Variants in ZNF704 observed in about 807,000 individuals in gnomAD.
The protein encoded by ZNF704 is zinc finger protein 704.
In ZNF704, 10 loss-of-function variants were observed where a neutral mutation model predicts 44.7. The observed-to-expected ratio is 0.22, with a 90% CI of 0.14 to 0.38. ZNF704 has a LOEUF of 0.38. Ranked by LOEUF, ZNF704 falls within the 10% of genes least tolerant of loss-of-function variation. ZNF704 has a pLI of 1.00. For synonymous variants in ZNF704, 211 were observed against 207.6 expected, an observed-to-expected ratio of 1.02 and a Z score of -0.14; for missense variants, 390 against 545.5, an observed-to-expected ratio of 0.71 and a Z score of 2.84.
chr8:80,717,263 T>C (rs1350616631), intron 2 of ZNF704, among the ~76,000 whole-genome samples: 1 of 152,236 alleles, frequency 6.6e-6, no homozygotes, highest in Non-Finnish European at 1.5e-5. Flanking sequence ...CATTCACACA[T>C]GCAGTACCAC....
intron 2 of ZNF704, among the ~76,000 whole-genome samples, chr8:80,799,269 T>G (rs1807859638): frequency 6.6e-6 from 1 of 152,228 alleles, no homozygotes; most frequent in African/African-American, 2.4e-5. Flanking sequence ...AAGGAATAAT[T>G]ATGCAATATT....
intron 2 of ZNF704, among the ~76,000 whole-genome samples, chr8:80,751,224 G>A (rs375765523): frequency 3.3e-5 from 5 of 152,190 alleles, no homozygotes; most frequent in East Asian, 1.9e-4. Flanking sequence ...CTCTTAGGGC[G>A]CCCTTCCCTG....
chr8:80,648,433 A>T (rs1470508759), intron 7 of ZNF704, among the ~76,000 whole-genome samples: 2 of 152,202 alleles, frequency 1.3e-5, no homozygotes, highest in African/African-American at 4.8e-5. Context: ...GTCATGTTTC[A>T]GCTTCTTATT....
intron 4 of ZNF704, among the ~76,000 whole-genome samples, chr8:80,676,521 T>C (rs574780993): frequency 6.6e-6 from 1 of 152,244 alleles, no homozygotes; most frequent in South Asian, 2.1e-4. Flanking sequence ...TTTGCTAATT[T>C]GGTGGAGAAG....
chr8:80,786,583 C>T (rs1049067528), intron 2 of ZNF704, among the ~76,000 whole-genome samples: 27 of 152,168 alleles, frequency 1.8e-4, no homozygotes, highest in Non-Finnish European at 7.3e-5. Context: ...GAACCATCCA[C>T]GTAACTTACA....
At chr8:80,835,814 TTAGA>T (rs1370887653) in intron 1 of ZNF704, among the ~76,000 whole-genome samples, 2 of 152,210 alleles carry the variant, frequency 1.3e-5, no homozygotes, top group Non-Finnish European at 2.9e-5. Context: ...CATTAGTTAC[TTAGA>T]TATTTTATTT....
intron 2 of ZNF704, among the ~76,000 whole-genome samples, chr8:80,716,277 G>C (rs1355505551): frequency 6.6e-6 from 1 of 152,108 alleles, no homozygotes; most frequent in Non-Finnish European, 1.5e-5. Context: ...TAACTTCAAA[G>C]GCCTTGGTGC....
At chr8:80,805,364 TA>T (rs1807972405) in intron 2 of ZNF704, among the ~76,000 whole-genome samples, 1 of 152,152 alleles carries the variant, frequency 6.6e-6, no homozygotes, top group Non-Finnish European at 1.5e-5. Context: ...CTGGAATCCA[TA>T]CCTACTCAAT....
At chr8:80,854,736 A>C (rs1481033656) in intron 1 of ZNF704, among the ~76,000 whole-genome samples, 1 of 152,228 alleles carries the variant, frequency 6.6e-6, no homozygotes, top group Non-Finnish European at 1.5e-5. Flanking sequence ...AAGTTAGCAA[A>C]TTATTAACTA....
chr8:80,785,546 C>T (rs1303185693), intron 2 of ZNF704, among the ~76,000 whole-genome samples: 3 of 152,296 alleles, frequency 2.0e-5, no homozygotes, highest in South Asian at 4.1e-4. Context: ...TATTTATATA[C>T]ATACGGACTC....
intron 7 of ZNF704, among the ~76,000 whole-genome samples, chr8:80,656,453 G>C (rs1352652596): frequency 6.6e-6 from 1 of 152,186 alleles, no homozygotes; most frequent in Non-Finnish European, 1.5e-5. Flanking sequence ...ATAATTAGGA[G>C]AGAAGGCAGG....
intron 1 of ZNF704, among the ~76,000 whole-genome samples, chr8:80,828,111 A>G (rs1198193726): frequency 6.6e-6 from 1 of 152,222 alleles, no homozygotes; most frequent in Non-Finnish European, 1.5e-5. Flanking sequence ...GCTTCTGCAG[A>G]GCAAAAGAAA....
chr8:80,704,011 T>C (rs915329201), intron 2 of ZNF704, among the ~76,000 whole-genome samples: 2 of 152,084 alleles, frequency 1.3e-5, no homozygotes, highest in African/African-American at 4.8e-5. Context: ...ATTTTTTTTT[T>C]CCTTTTTACT....
intron 2 of ZNF704, among the ~76,000 whole-genome samples, chr8:80,701,462 C>T (rs1283321622): frequency 2.0e-5 from 3 of 151,996 alleles, no homozygotes; most frequent in Admixed American, 6.6e-5. Flanking sequence ...GCTTCAGTCT[C>T]GCAGGGAGGT....
At chr8:80,671,664 A>G (rs760865001) in intron 4 of ZNF704, among the ~76,000 whole-genome samples, 38 of 152,198 alleles carry the variant, frequency 2.5e-4, no homozygotes, top group Non-Finnish European at 5.1e-4. Flanking sequence ...TCCCTTGGGT[A>G]TGGTGACAGT....
chr8:80,645,974 G>A (rs1306876483), intron 7 of ZNF704, among the ~76,000 whole-genome samples: 1 of 152,146 alleles, frequency 6.6e-6, no homozygotes, highest in East Asian at 1.9e-4. Flanking sequence ...TCCCATGGGT[G>A]GGATTAGTGT....
At chr8:80,754,148 C>A (rs1806996604) in intron 2 of ZNF704, among the ~76,000 whole-genome samples, 1 of 152,022 alleles carries the variant, frequency 6.6e-6, no homozygotes, top group African/African-American at 2.4e-5. Flanking sequence ...TTTTTCCTTA[C>A]AATTGTATTT....
chr8:80,823,966 G>C (rs1241094645), intron 1 of ZNF704, among the ~76,000 whole-genome samples: 2 of 152,148 alleles, frequency 1.3e-5, no homozygotes, highest in African/African-American at 4.8e-5. Context: ...CCACAAAGGT[G>C]GGGAGAAACC....
chr8:80,857,478 T>C (rs1342156679), intron 1 of ZNF704, among the ~76,000 whole-genome samples: 1 of 152,206 alleles, frequency 6.6e-6, no homozygotes, highest in Non-Finnish European at 1.5e-5. Context: ...GATAATCATA[T>C]GGTGTTACCC....
Sources: gnomAD v4.1 joint callset for allele counts (sites outside exome capture counted in the v4.1 genomes callset) on GRCh38, gnomAD v4.1.1 for gene constraint, MANE v1.5 for transcripts, NCBI Gene and HGNC (gene_info 2026-07-23, HGNC 2026-07-21) for gene names.